DENND1A: variants seen among roughly 807,000 people sequenced by gnomAD.
The protein encoded by DENND1A is DENN domain-containing protein 1A.
In DENND1A, 51 loss-of-function variants were observed where a neutral mutation model predicts 113.7. The ratio of observed to expected loss-of-function variants is 0.45; its 90% CI spans 0.36 to 0.57. The LOEUF is 0.57. Among genes scored for constraint, DENND1A ranks in the 20% least tolerant of loss-of-function variants. DENND1A has a pLI of 0.00. For missense variants in DENND1A, 1,258 were observed against 1,395.9 expected (o/e 0.90, Z 1.57); for synonymous variants, 565 against 570.8 (o/e 0.99, Z 0.14).
chr9:123,419,141 C>G (rs987550929), intron 19 of DENND1A, among the ~76,000 whole-genome samples: 1 of 152,230 alleles, frequency 6.6e-6, no homozygotes, highest in African/African-American at 2.4e-5. Flanking sequence ...ATGCTGGAGG[C>G]CACAGGGACC....
chr9:123,557,012 G>A (rs10818836), intron 13 of DENND1A, among the ~76,000 whole-genome samples: 23,838 of 152,124 alleles, frequency 0.16, 1,938 homozygotes, highest in Admixed American at 0.2. Flanking sequence ...GTCACTTCCC[G>A]GTCTTCATTG....
intron 19 of DENND1A, among the ~76,000 whole-genome samples, chr9:123,432,698 C>T (rs1206564879): frequency 6.6e-5 from 10 of 152,210 alleles, no homozygotes; most frequent in African/African-American, 1.9e-4. Context: ...ACTGTGGGCG[C>T]GTGACTGGGA....
At chr9:123,476,562 A>G (rs1296228181) in intron 13 of DENND1A, among the ~76,000 whole-genome samples, 1 of 152,118 alleles carries the variant, frequency 6.6e-6, no homozygotes, top group East Asian at 1.9e-4. Flanking sequence ...AGATTCCCCT[A>G]GGAGGTTCTT....
chr9:123,779,714 G>C (rs1163602164), intron 3 of DENND1A, among the ~76,000 whole-genome samples: 1 of 152,018 alleles, frequency 6.6e-6, no homozygotes, highest in Non-Finnish European at 1.5e-5. Context: ...TGCTCAGGCT[G>C]ACCTAGAACT....
chr9:123,850,236 T>C (rs1456895155), intron 2 of DENND1A, among the ~76,000 whole-genome samples: 1 of 152,160 alleles, frequency 6.6e-6, no homozygotes, highest in Non-Finnish European at 1.5e-5. Context: ...GCAAACTTCA[T>C]TGCTGTCTTA....
chr9:123,414,554 TCTTC>T, intron 19 of DENND1A: 1 of 1,550,222 alleles, frequency 6.5e-7, no homozygotes, highest in East Asian at 2.4e-5. Context: ...AGAAATGCTG[TCTTC>T]TGTCTTGCTC....
chr9:123,508,050 G>C (rs1191627488), intron 13 of DENND1A, among the ~76,000 whole-genome samples: 1 of 152,064 alleles, frequency 6.6e-6, no homozygotes, highest in Admixed American at 6.6e-5. Flanking sequence ...TCGGCGATGG[G>C]TTAATGGTGA....
chr9:123,645,501 C>G (rs2139207382), intron 9 of DENND1A, among the ~76,000 whole-genome samples: 1 of 152,212 alleles, frequency 6.6e-6, no homozygotes, highest in Non-Finnish European at 1.5e-5. Flanking sequence ...CTTTCAAATT[C>G]TGAATTTGAA....
intron 2 of DENND1A, among the ~76,000 whole-genome samples, chr9:123,816,684 T>C (rs964257258): frequency 6.6e-6 from 1 of 152,220 alleles, no homozygotes; most frequent in African/African-American, 2.4e-5. Flanking sequence ...AATGAGTAAG[T>C]CATTTCAATA....
intron 9 of DENND1A, among the ~76,000 whole-genome samples, chr9:123,649,641 C>T (rs554708137): frequency 3.9e-5 from 6 of 152,224 alleles, no homozygotes; most frequent in East Asian, 3.9e-4. Flanking sequence ...TATATTTCTT[C>T]GGGAGTCAAC....
chr9:123,724,002 C>G (rs1276755251), intron 5 of DENND1A, among the ~76,000 whole-genome samples: 1 of 152,190 alleles, frequency 6.6e-6, no homozygotes, highest in African/African-American at 2.4e-5. Context: ...ATACCTAACA[C>G]CCACCATATT....
chr9:123,607,436 GT>G (rs1282773664), intron 11 of DENND1A, among the ~76,000 whole-genome samples: 1 of 145,458 alleles, frequency 6.9e-6, no homozygotes, highest in Middle Eastern at 3.4e-3. Context: ...ACCAGGAACA[GT>G]GGAAGGGGAG....
intron 11 of DENND1A, among the ~76,000 whole-genome samples, chr9:123,606,038 C>T (rs1034081263): frequency 5.9e-5 from 9 of 152,176 alleles, no homozygotes; most frequent in Admixed American, 1.3e-4. Flanking sequence ...CTTCCGTAAA[C>T]GGCTTTCCTT....
At chr9:123,658,562 A>T (rs557097605) in intron 8 of DENND1A, among the ~76,000 whole-genome samples, 4 of 152,380 alleles carry the variant, frequency 2.6e-5, no homozygotes, top group African/African-American at 7.2e-5. Context: ...AATAATGAGA[A>T]TTAACTTCAA....
At chr9:123,893,327 G>A (rs139671656) in intron 1 of DENND1A, among the ~76,000 whole-genome samples, 1 of 152,268 alleles carries the variant, frequency 6.6e-6, no homozygotes, top group East Asian at 1.9e-4. Context: ...GCATGCCACT[G>A]CATAGTTTAA....
intron 1 of DENND1A, among the ~76,000 whole-genome samples, chr9:123,879,406 A>C (rs963391549): frequency 3.3e-5 from 5 of 152,108 alleles, no homozygotes; most frequent in Admixed American, 2.0e-4. Flanking sequence ...GGTGGTGCAC[A>C]CCTATAATGC....
chr9:123,886,431 C>T (rs933410367), intron 1 of DENND1A, among the ~76,000 whole-genome samples: 1 of 152,152 alleles, frequency 6.6e-6, no homozygotes, highest in Non-Finnish European at 1.5e-5. Context: ...ACTCATTTCA[C>T]GGTCTTCAAA....
At chr9:123,589,474 C>A (rs1185780173) in intron 11 of DENND1A, among the ~76,000 whole-genome samples, 4 of 151,446 alleles carry the variant, frequency 2.6e-5, no homozygotes, top group African/African-American at 9.7e-5. Flanking sequence ...AAATAGTCCT[C>A]CAAAAACCCT....
In DENND1A at chr9:123,413,777, G is replaced by GT. The variant is rs1257278558; in HGVS notation, c.1489-1949dup. ...GCCTAGGGATGGGCAAGGCCACCAT[G>GT]TTTTTTCCCCTTCCTGGCTTACAGG... On this transcript the variant is annotated intron_variant, in intron 19 of 23. Coordinates refer to ENST00000394215, the MANE Select transcript of DENND1A (RefSeq NM_001352964.2). 3.0e-6 allele frequency: 3 copies of GT among 985,352 alleles called. No homozygotes were observed. In the African/African-American group the frequency reaches 5.2e-5, roughly 17 times the overall value. The allele number at this position is 985,352 out of a possible 1,614,324, so 61.0% of individuals were successfully genotyped here.
Sources: gnomAD v4.1 joint callset for allele counts (sites outside exome capture counted in the v4.1 genomes callset) on GRCh38, gnomAD v4.1.1 for gene constraint, MANE v1.5 for transcripts, NCBI Gene and HGNC (gene_info 2026-07-23, HGNC 2026-07-21) for gene names.